Variants in RBFOX1 observed in about 807,000 individuals in gnomAD.
RBFOX1 encodes RNA binding protein fox-1 homolog 1.
Under a neutral mutation model 57.7 loss-of-function variants are expected in RBFOX1, and 8 were observed. The ratio of observed to expected loss-of-function variants is 0.14; its 90% CI spans 0.08 to 0.25. RBFOX1 has a LOEUF of 0.25. RBFOX1 is among the 10% of genes least tolerant of loss of function. The pLI is 1.00. For missense variants in RBFOX1, 611 were observed against 548.5 expected (o/e 1.11, Z -1.14); for synonymous variants, 326 against 222.4 (o/e 1.47, Z -4.15).
chr16:6,963,363 C>G (rs1003934952), intron 3 of RBFOX1, among the ~76,000 whole-genome samples: 4 of 151,952 alleles, frequency 2.6e-5, no homozygotes, highest in Admixed American at 1.3e-4. Context: ...GAAATCGAAC[C>G]TCTATTTTTA....
At chr16:5,668,045 C>T (rs189152988) in intron 3 of RBFOX1, among the ~76,000 whole-genome samples, 62 of 152,210 alleles carry the variant, frequency 4.1e-4, no homozygotes, top group African/African-American at 1.5e-3. Flanking sequence ...ACAACCACAT[C>T]ACCAACAAGC....
intron 2 of RBFOX1, among the ~76,000 whole-genome samples, chr16:6,354,996 C>T (rs1296791981): frequency 6.6e-6 from 1 of 152,148 alleles, no homozygotes; most frequent in Non-Finnish European, 1.5e-5. Flanking sequence ...AGGTTTTCTT[C>T]CTCTGACAGC....
chr16:5,566,042 C>G (rs2046055983), intron 2 of RBFOX1, among the ~76,000 whole-genome samples: 1 of 152,158 alleles, frequency 6.6e-6, no homozygotes, highest in African/African-American at 2.4e-5. Context: ...CTTTCATTCT[C>G]TTTGCCATAT....
chr16:5,838,281 T>A (rs894883857), intron 3 of RBFOX1: 1 of 226,244 alleles, frequency 4.4e-6, no homozygotes, highest in South Asian at 7.6e-5. Context: ...TCCTGAGGTA[T>A]GGGTGGCGGC....
intron 14 of RBFOX1, among the ~76,000 whole-genome samples, chr16:7,699,642 A>G (rs2080001068): frequency 6.6e-6 from 1 of 152,224 alleles, no homozygotes; most frequent in Admixed American, 6.5e-5. Context: ...AAAACTTAGT[A>G]CAAAAATGAT....
intron 3 of RBFOX1, among the ~76,000 whole-genome samples, chr16:6,973,798 C>T (rs867744939): frequency 4.0e-5 from 6 of 151,888 alleles, no homozygotes; most frequent in Non-Finnish European, 5.9e-5. Context: ...TTTTAAGTTC[C>T]AGGGTACATG....
rs539786350 is a variant in RBFOX1 at position 6,951,312 on chromosome 16, A to T, written c.-15-100745A>T. On this transcript the variant is annotated intron_variant, in intron 3 of 15. Coordinates refer to ENST00000550418, the MANE Select transcript of RBFOX1 (RefSeq NM_018723.4). Reference sequence around the variant, plus strand: ...AGTTTCAGCTGTCTGTAGGCTGGATACTGGAGTCATTGTCATTATTGTCTG... The same window carrying T: ...AGTTTCAGCTGTCTGTAGGCTGGATTCTGGAGTCATTGTCATTATTGTCTG... Among the ~76,000 whole-genome samples the T allele has an allele frequency of 7.9e-4, 121 of 152,304 alleles. No homozygotes were observed. The Middle Eastern group carries it at 0.01, about 13-fold the overall frequency.
intron 1 of RBFOX1, among the ~76,000 whole-genome samples, chr16:5,358,825 C>G (rs1043830880): frequency 6.6e-6 from 1 of 151,984 alleles, no homozygotes; most frequent in Non-Finnish European, 1.5e-5. Flanking sequence ...AAAACTCCAT[C>G]TCAAAAAAAA....
At chr16:5,416,899 A>T (rs1444355020) in intron 1 of RBFOX1, among the ~76,000 whole-genome samples, 2 of 152,178 alleles carry the variant, frequency 1.3e-5, no homozygotes, top group African/African-American at 4.8e-5. Flanking sequence ...CCTATCTGAT[A>T]GACTATCTGC....
chr16:6,003,375 C>G (rs962337748), intron 4 of RBFOX1, among the ~76,000 whole-genome samples: 5 of 151,960 alleles, frequency 3.3e-5, no homozygotes, highest in Non-Finnish European at 5.9e-5. Context: ...CTCCTGTGCT[C>G]CTTGCCTGAA....
chr16:7,319,218 A>C (rs1555705833), intron 4 of RBFOX1, among the ~76,000 whole-genome samples: 1 of 152,200 alleles, frequency 6.6e-6, no homozygotes, highest in Non-Finnish European at 1.5e-5. Flanking sequence ...TCCTAAAAAC[A>C]AATGGCCACC....
At chr16:5,330,139 C>G (rs996679465) in intron 1 of RBFOX1, among the ~76,000 whole-genome samples, 1 of 152,132 alleles carries the variant, frequency 6.6e-6, no homozygotes, top group Non-Finnish European at 1.5e-5. Context: ...GGGGCCACAC[C>G]TCCAAATACC....
At chr16:6,909,670 C>G (rs568549741) in intron 3 of RBFOX1, among the ~76,000 whole-genome samples, 2 of 152,182 alleles carry the variant, frequency 1.3e-5, no homozygotes, top group East Asian at 1.9e-4. Flanking sequence ...ATAGAGAAGT[C>G]GGAATCCTAT....
At position 7,595,534 on chromosome 16, in the gene RBFOX1, C is replaced by G; in HGVS notation, c.469-15C>G. 6.5e-7 allele frequency: 1 copy of G among 1,537,314 alleles called. No individual in the cohort carries two copies. Among genetic ancestry groups the G allele is most frequent in the Non-Finnish European group, 8.8e-7 (1 of 1,134,496 alleles). On this transcript the variant is annotated splice_polypyrimidine_tract_variant and intron_variant, in intron 7 of 15. Coordinates refer to ENST00000550418, the MANE Select transcript of RBFOX1 (RefSeq NM_018723.4). Reference sequence around the variant, plus strand: ...TAATCTGCATGTTGTTTTCCCTTCTCCCTCCTGCATGCAGGGATTTGGTTT... The same window carrying G: ...TAATCTGCATGTTGTTTTCCCTTCTGCCTCCTGCATGCAGGGATTTGGTTT...
intron 4 of RBFOX1, among the ~76,000 whole-genome samples, chr16:7,214,392 T>C (rs1269123799): frequency 6.6e-6 from 1 of 152,108 alleles, no homozygotes; most frequent in Non-Finnish European, 1.5e-5. Context: ...AACACTTCTT[T>C]GTCCTCCTTA....
chr16:7,272,823 C>G (rs1344237677), intron 4 of RBFOX1, among the ~76,000 whole-genome samples: 3 of 151,710 alleles, frequency 2.0e-5, no homozygotes, highest in Non-Finnish European at 4.4e-5. Flanking sequence ...CTTTTAAAAT[C>G]CTCTCCTCCC....
intron 3 of RBFOX1, among the ~76,000 whole-genome samples, chr16:6,718,257 G>C (rs1301957609): frequency 6.6e-6 from 1 of 152,174 alleles, no homozygotes; most frequent in African/African-American, 2.4e-5. Flanking sequence ...TGGTAGGTAT[G>C]TTGGCACTAT....
rs186216481 is a variant in RBFOX1, at chr16:7,638,655, G to T, written c.757+7972G>T. ...GTTATTAATATTTTCAGCTTTACAG[G>T]CCATCTAGCCTCTGTTGCAGCGACT... On this transcript the variant is annotated intron_variant, in intron 11 of 15. Transcript: ENST00000550418. Among the ~76,000 whole-genome samples the T allele has an allele frequency of 1.2e-4, 18 of 152,288 alleles. No individual in the cohort carries two copies. The East Asian group carries it at 2.9e-3, about 25-fold the overall frequency.
intron 4 of RBFOX1, among the ~76,000 whole-genome samples, chr16:7,251,821 A>C (rs978804710): frequency 1.3e-5 from 2 of 152,166 alleles, no homozygotes; most frequent in Non-Finnish European, 2.9e-5. Context: ...CCTTCAAAAT[A>C]CTGATTTCGT....
Sources: gnomAD v4.1 joint callset for allele counts (sites outside exome capture counted in the v4.1 genomes callset) on GRCh38, gnomAD v4.1.1 for gene constraint, MANE v1.5 for transcripts, NCBI Gene and HGNC (gene_info 2026-07-23, HGNC 2026-07-21) for gene names.